The following ADAMTS19 variants were observed in gnomAD, a reference collection of about 807,000 sequenced individuals.
ADAMTS19 encodes the protein A disintegrin and metalloproteinase with thrombospondin motifs 19.
Under a neutral mutation model 153.3 loss-of-function variants are expected in ADAMTS19, and 93 were observed. The observed-to-expected ratio is 0.61, with a 90% confidence interval of 0.51 to 0.72. The LOEUF is 0.72. ADAMTS19 is among the 30% of genes least tolerant of loss of function. The probability of loss-of-function intolerance (pLI) is 0.00; values close to 1 mark genes in which losing one functional copy is unlikely to be tolerated. For missense variants in ADAMTS19, 1,482 were observed against 1,552.1 expected (o/e 0.95, Z 0.76); for synonymous variants, 600 against 556.6 (o/e 1.08, Z -1.10).
chr5:129,462,984 A>G (rs1749735399), intron 2 of ADAMTS19, among the ~76,000 whole-genome samples: 1 of 152,202 alleles, frequency 6.6e-6, no homozygotes, highest in Non-Finnish European at 1.5e-5. Context: ...TAGTCAAATG[A>G]TGTAAACTGT....
chr5:129,554,821 C>A (rs1214913174), intron 7 of ADAMTS19, among the ~76,000 whole-genome samples: 2 of 152,038 alleles, frequency 1.3e-5, no homozygotes, highest in Admixed American at 1.3e-4. Flanking sequence ...TATTAATAAC[C>A]TCTCTATTGT....
intron 8 of ADAMTS19, among the ~76,000 whole-genome samples, chr5:129,611,981 A>G (rs1751244558): frequency 6.6e-6 from 1 of 151,734 alleles, no homozygotes; most frequent in Non-Finnish European, 1.5e-5. Flanking sequence ...ATTTTATTTT[A>G]TTATTATTAT....
intron 18 of ADAMTS19, chr5:129,688,134 A>G (rs1755172912): frequency 1.3e-5 from 2 of 152,310 alleles, no homozygotes; most frequent in Admixed American, 1.3e-4. Context: ...CAAGGATCGC[A>G]TCATTTCTGA....
At chr5:129,698,631 AT>A (rs1755680103) in intron 19 of ADAMTS19, among the ~76,000 whole-genome samples, 1 of 152,152 alleles carries the variant, frequency 6.6e-6, no homozygotes. Context: ...ACTTTTTATA[AT>A]TATATTGAGG....
At position 129,467,394 on chromosome 5, in the gene ADAMTS19, C is replaced by T. The variant is rs116519191; in HGVS notation, c.747+5637C>T. On this transcript the variant is annotated intron_variant, in intron 2 of 22. Coordinates refer to ENST00000274487, the MANE Select transcript of ADAMTS19 (RefSeq NM_133638.6). ...GTTAGTTAGATAGAGGTTAAGAGAC[C>T]CCTTTTTCAGCGTCAGAAACAAATT... Among the ~76,000 whole-genome samples, 1,132 of 152,114 alleles carry T rather than the reference C, an allele frequency of 7.4e-3. 18 individuals are homozygous for T. Among genetic ancestry groups the T allele is most frequent in the African/African-American group, 0.026 (1,070 of 41,488 alleles).
intron 6 of ADAMTS19, among the ~76,000 whole-genome samples, chr5:129,542,667 G>T (rs1581062716): frequency 6.6e-6 from 1 of 152,020 alleles, no homozygotes; most frequent in African/African-American, 2.4e-5. Context: ...ATAAAATTTG[G>T]ATGTATCTTC....
rs1752097899 is a variant in ADAMTS19 at position 129,528,643 on chromosome 5, A to T, written c.1294A>T (p.Met432Leu). The part of the protein sequence containing the change: ...LEMSTNWGED[M>L]TSVDAAILIT... ...GATGTCAACAAACTGGGGGGAAGAC[A>T]TGACTTCAGTGGATGCAGCTATACT... is the stretch of plus-strand genomic sequence containing the variant. The change falls in exon 6 of 23, where the codon ATG becomes TTG. Residue 432 changes from methionine (M) to leucine (L), a missense_variant. Around this residue, in one of 2 missense-constraint regions of ADAMTS19, gnomAD observed 866 missense variants for 827.7 expected, o/e 1.05. Coordinates refer to ENST00000274487, the MANE Select transcript of ADAMTS19 (RefSeq NM_133638.6). 2.5e-6 allele frequency: 4 copies of T among 1,602,080 alleles called. No individual in the cohort carries two copies. In the East Asian group the frequency reaches 9.1e-5, roughly 36 times the overall value.
chr5:129,654,932 A>C (rs1414595267), intron 14 of ADAMTS19, among the ~76,000 whole-genome samples: 8 of 152,144 alleles, frequency 5.3e-5, no homozygotes, highest in Admixed American at 5.2e-4. Flanking sequence ...TCTCTTTTAA[A>C]AAATTTCCAT....
intron 21 of ADAMTS19, 78 bp downstream of exon 21, chr5:129,704,469 A>T: frequency 6.6e-7 from 1 of 1,508,734 alleles, no homozygotes; most frequent in South Asian, 1.3e-5. Context: ...ACCACATAGC[A>T]TGGAGTTTAG....
intron 7 of ADAMTS19, among the ~76,000 whole-genome samples, chr5:129,575,990 A>T (rs2126873077): frequency 1.4e-5 from 2 of 145,912 alleles, no homozygotes; most frequent in East Asian, 4.4e-4. Context: ...TGCAGACATA[A>T]TTTTTTTTAA....
chr5:129,473,305 T>C lies in ADAMTS19; in HGVS notation c.747+11548T>C, dbSNP rs547196251. 1.3e-4 allele frequency among the ~76,000 whole-genome samples: 20 copies of C among 152,218 alleles called. No individual in the cohort carries two copies. The East Asian group carries it at 3.9e-3, about 29-fold the overall frequency. Reference sequence around the variant, plus strand: ...CATTATGATTGGGATTTGAATGTTATGTAAAATGTGATAGGTACATTTCCA... The same window carrying C: ...CATTATGATTGGGATTTGAATGTTACGTAAAATGTGATAGGTACATTTCCA... On this transcript the variant is annotated intron_variant, in intron 2 of 22. Transcript: ENST00000274487.
At chr5:129,534,832 A>T (rs1395531597) in intron 6 of ADAMTS19, among the ~76,000 whole-genome samples, 1 of 152,230 alleles carries the variant, frequency 6.6e-6, no homozygotes, top group East Asian at 1.9e-4. Flanking sequence ...CCACATGATT[A>T]TCTCAATAGA....
chr5:129,701,564 C>A lies in ADAMTS19; in HGVS notation c.3131C>A (p.Thr1044Asn). The A allele has an allele frequency of 6.2e-7, 1 of 1,614,168 alleles. No homozygotes were observed. The highest frequency in any genetic ancestry group is 1.1e-5 in the South Asian group (1 of 91,082). The change falls in exon 20 of 23, where the codon ACC becomes AAC. Residue 1044 changes from threonine to asparagine, a missense_variant. Transcript: ENST00000274487. The stretch of plus-strand genomic sequence containing the variant: ...CGCTGTGAGGGCCAGGACTGCATGA[C>A]CGTGTGGGAGGCGGGAGTGTGGTCT... ...AQRCEGQDCMTVWEAGVWSEC... is the reference protein window; with the variant it reads ...AQRCEGQDCMNVWEAGVWSEC...
At chr5:129,723,026 C>T (rs1757067075) in intron 21 of ADAMTS19, among the ~76,000 whole-genome samples, 1 of 151,998 alleles carries the variant, frequency 6.6e-6, no homozygotes, top group South Asian at 2.1e-4. Context: ...GTGTTTAGGC[C>T]AATCCATAAA....
chr5:129,709,784 T>A, intron 21 of ADAMTS19, among the ~76,000 whole-genome samples: 1 of 152,200 alleles, frequency 6.6e-6, no homozygotes, highest in African/African-American at 2.4e-5. Context: ...TATATTCAGA[T>A]TGGCCAGCAG....
chr5:129,499,984 A>G (rs929356665), intron 2 of ADAMTS19, among the ~76,000 whole-genome samples: 1 of 152,168 alleles, frequency 6.6e-6, no homozygotes, highest in Non-Finnish European at 1.5e-5. Context: ...CTCAAGGGTC[A>G]TAATAAAACT....
chr5:129,545,930 T>C (rs1349559639), intron 6 of ADAMTS19, among the ~76,000 whole-genome samples: 17 of 148,916 alleles, frequency 1.1e-4, no homozygotes, highest in Non-Finnish European at 4.4e-5. Context: ...TAAAGACACA[T>C]GCACACGTAT....
At chr5:129,683,953 C>T (rs1029753960) in intron 17 of ADAMTS19, among the ~76,000 whole-genome samples, 167 bp from the exon 18 acceptor site, 3 of 151,552 alleles carry the variant, frequency 2.0e-5, no homozygotes, top group Non-Finnish European at 4.4e-5. Context: ...AATAATGTCA[C>T]GTTTCTAGTG....
chr5:129,711,088 T>C (rs968076422), intron 21 of ADAMTS19, among the ~76,000 whole-genome samples: 1 of 152,150 alleles, frequency 6.6e-6, no homozygotes, highest in Non-Finnish European at 1.5e-5. Context: ...AGAATTTGTA[T>C]AGCTTCCTAG....
Sources: gnomAD v4.1 joint callset for allele counts (sites outside exome capture counted in the v4.1 genomes callset) on GRCh38, gnomAD v4.1.1 for gene constraint, gnomAD v4.1.1 regional missense constraint, MANE v1.5 for transcripts, NCBI Gene and HGNC (gene_info 2026-07-23, HGNC 2026-07-21) for gene names.